The following PLCH1 variants were observed in gnomAD, a reference collection of about 807,000 sequenced individuals.
PLCH1 encodes the protein phospholipase C eta 1.
A neutral mutation model predicts 126.7 loss-of-function variants in PLCH1; 60 were observed. The ratio of observed to expected loss-of-function variants is 0.47; its 90% CI spans 0.38 to 0.59. The LOEUF (loss-of-function observed/expected upper bound fraction) is 0.59, where lower values mean the gene tolerates loss of function less well. Ranked by LOEUF, PLCH1 falls within the 20% of genes least tolerant of loss-of-function variation. The probability of loss-of-function intolerance (pLI) is 0.00; values close to 1 mark genes in which losing one functional copy is unlikely to be tolerated. For synonymous variants in PLCH1, 719 were observed against 734.9 expected, an observed-to-expected ratio of 0.98 and a Z score of 0.35; for missense variants, 1,723 against 2,040.0, an observed-to-expected ratio of 0.84 and a Z score of 2.99.
At chr3:155,694,499 G>T (rs1745654228) in intron 2 of PLCH1, among the ~76,000 whole-genome samples, 1 of 152,098 alleles carries the variant, frequency 6.6e-6, no homozygotes, top group Non-Finnish European at 1.5e-5. Context: ...TTTAAAGAAT[G>T]GTCATTTGTA....
At chr3:155,458,026 G>A (rs1054242760) in intron 21 of PLCH1, among the ~76,000 whole-genome samples, 2 of 152,156 alleles carry the variant, frequency 1.3e-5, no homozygotes, top group African/African-American at 4.8e-5. Context: ...AGAGGCTCCA[G>A]CTTCCTCAGG....
Position 155,636,535 on chromosome 3 carries a change from G to T in PLCH1, c.80-40157C>A, listed in dbSNP as rs142628940. 7.2e-3 allele frequency among the ~76,000 whole-genome samples: 1,093 copies of T among 151,988 alleles called. 7 individuals are homozygous for T. The highest frequency in any genetic ancestry group is 0.021 in the South Asian group (100 of 4,808). The stretch of plus-strand genomic sequence containing the variant: ...GGCTGAGGCGGGTGGATTACCTGAG[G>T]TCAAGAGTTCAAGACCAGCTGGCTA... On this transcript the variant is annotated intron_variant, in intron 2 of 22. Coordinates refer to ENST00000460012, the MANE Select transcript of PLCH1 (RefSeq NM_014996.4).
chr3:155,674,380 A>G (rs777009216), intron 2 of PLCH1, among the ~76,000 whole-genome samples: 16 of 152,148 alleles, frequency 1.1e-4, no homozygotes, highest in Non-Finnish European at 2.4e-4. Flanking sequence ...AAGCCACTCC[A>G]CTAATGTTAC....
chr3:155,550,669 C>T (rs897442487), intron 9 of PLCH1, among the ~76,000 whole-genome samples: 3 of 152,160 alleles, frequency 2.0e-5, no homozygotes, highest in African/African-American at 4.8e-5. Context: ...GATTTTACTC[C>T]TCTCTCAACC....
rs368488536 is a variant in PLCH1 at position 155,540,594 on chromosome 3, C to A, written c.1362+9193G>T. Among the ~76,000 whole-genome samples, 55 of 152,084 alleles carry A rather than the reference C, an allele frequency of 3.6e-4. No individual in the cohort carries two copies. The East Asian group carries it at 6.4e-3, about 18-fold the overall frequency. On this transcript the variant is annotated intron_variant, in intron 10 of 22. Coordinates refer to ENST00000460012, the MANE Select transcript of PLCH1 (RefSeq NM_014996.4). ...AAAGTAGGCTAAGGACATGAATAGACAATTCTCAAAAAAAGATATACAAAT... is the reference window on the plus strand; with the variant it reads ...AAAGTAGGCTAAGGACATGAATAGAAAATTCTCAAAAAAAGATATACAAAT...
rs773783035 is a variant in PLCH1, at chr3:155,583,525, T to C, written c.718A>G (p.Lys240Glu). ...YLLLLSYSDK[K>E]DHLTVEELAQ... is the part of the protein sequence containing the mutation. Reference sequence around the variant, plus strand: ...AGTTCTTCCACAGTTAGGTGATCTTTCTTGTCACTGTAGCTCAAAAGTAAC... The same window carrying C: ...AGTTCTTCCACAGTTAGGTGATCTTCCTTGTCACTGTAGCTCAAAAGTAAC... Residue 240 changes from lysine (K) to glutamate (E), a missense_variant, in exon 6 of 23, where the codon AAA becomes GAA. Physicochemically the swap from Lys to Glu is moderately conservative, Grantham distance 56 (BLOSUM62 1). Coordinates refer to ENST00000460012, the MANE Select transcript of PLCH1 (RefSeq NM_014996.4). 17 of 1,608,940 alleles carry C rather than the reference T, an allele frequency of 1.1e-5. No homozygotes were observed. The South Asian group carries it at 1.8e-4, about 17-fold the overall frequency.
intron 2 of PLCH1, chr3:155,675,954 A>G: frequency 1.0e-6 from 1 of 987,526 alleles, no homozygotes; most frequent in South Asian, 1.6e-5. Context: ...ATCTTTTACT[A>G]GGACTATTAC....
chr3:155,514,130 A>G (rs1719987983), intron 12 of PLCH1, among the ~76,000 whole-genome samples: 1 of 152,350 alleles, frequency 6.6e-6, no homozygotes, highest in East Asian at 1.9e-4. Flanking sequence ...CCCATAGGCC[A>G]TTCTACAAAT....
intron 1 of PLCH1, among the ~76,000 whole-genome samples, chr3:155,722,984 C>T (rs755593048): frequency 5.3e-5 from 8 of 152,170 alleles, no homozygotes; most frequent in Non-Finnish European, 1.2e-4. Flanking sequence ...TTTTTACTAC[C>T]ATTTCAATCT....
At chr3:155,537,906 A>T (rs1723660435) in intron 10 of PLCH1, among the ~76,000 whole-genome samples, 2 of 152,220 alleles carry the variant, frequency 1.3e-5, no homozygotes, top group South Asian at 4.1e-4. Flanking sequence ...GACTTAGCAG[A>T]TATTTACAGA....
At chr3:155,573,454 G>C (rs564458868) in intron 6 of PLCH1, among the ~76,000 whole-genome samples, 4 of 152,280 alleles carry the variant, frequency 2.6e-5, no homozygotes, top group African/African-American at 7.2e-5. Flanking sequence ...TTATTCTGCT[G>C]TTCTCATTTA....
At chr3:155,540,004 G>C (rs1209642967) in intron 10 of PLCH1, among the ~76,000 whole-genome samples, 1 of 138,704 alleles carries the variant, frequency 7.2e-6, no homozygotes, top group African/African-American at 2.7e-5. Flanking sequence ...TAAGACCATA[G>C]TCACCAAAAC....
At position 155,514,753 on chromosome 3, in the gene PLCH1, C is replaced by G. The variant is rs200928567; in HGVS notation, c.1602G>C (p.Thr534=). The change falls in exon 12 of 23, where the codon ACG becomes ACC. Residue 534 remains threonine, a synonymous_variant. Transcript: ENST00000460012. ...TCAGGTGTGCATTTAAGCCTTCATG[C>G]GTGGCCTTCAGTAGTGCCCGCACTG... ...SFTVRALLKA[T]HEGLNAHLKQ... The G allele has an allele frequency of 5.0e-6, 8 of 1,601,458 alleles. No individual in the cohort carries two copies. The South Asian group carries it at 7.9e-5, about 16-fold the overall frequency.
intron 15 of PLCH1, among the ~76,000 whole-genome samples, chr3:155,496,323 G>A (rs533520924): frequency 6.6e-6 from 1 of 152,116 alleles, no homozygotes; most frequent in Non-Finnish European, 1.5e-5. Context: ...ATCATTCCCT[G>A]AGTTTATTTT....
At chr3:155,653,939 T>C (rs1341341607) in intron 2 of PLCH1, among the ~76,000 whole-genome samples, 1 of 151,860 alleles carries the variant, frequency 6.6e-6, no homozygotes, top group African/African-American at 2.4e-5. Flanking sequence ...CATATATCTT[T>C]AAGGAAAAAC....
chr3:155,625,790 A>T (rs866122301), intron 2 of PLCH1, among the ~76,000 whole-genome samples: 1 of 152,218 alleles, frequency 6.6e-6, no homozygotes, highest in African/African-American at 2.4e-5. Flanking sequence ...GGGAGTGTAA[A>T]TTGGTTCAAC....
At chr3:155,467,619 A>G (rs1712981354) in intron 21 of PLCH1, among the ~76,000 whole-genome samples, 2 of 152,140 alleles carry the variant, frequency 1.3e-5, no homozygotes, top group South Asian at 4.1e-4. Context: ...AATAAATAAC[A>G]TACAATAGAG....
chr3:155,544,756 T>C (rs1380205084), intron 10 of PLCH1, among the ~76,000 whole-genome samples: 2 of 151,350 alleles, frequency 1.3e-5, no homozygotes, highest in Non-Finnish European at 3.0e-5. Flanking sequence ...CTCAACTACA[T>C]GGAAACTGAA....
At chr3:155,528,066 A>G (rs893165491) in intron 10 of PLCH1, among the ~76,000 whole-genome samples, 1 of 151,720 alleles carries the variant, frequency 6.6e-6, no homozygotes, top group Admixed American at 6.6e-5. Context: ...TGTACTAAAA[A>G]TACAAAAATT....
Sources: allele counts gnomAD v4.1 joint callset (sites outside exome capture counted in the v4.1 genomes callset), GRCh38; gene constraint gnomAD v4.1.1; transcripts MANE v1.5; gene names NCBI Gene and HGNC (gene_info 2026-07-23, HGNC 2026-07-21).